Variants in WAC observed in about 807,000 individuals in gnomAD.
The protein encoded by WAC is WW domain containing adaptor with coiled-coil.
Under a neutral mutation model 79.6 loss-of-function variants are expected in WAC, and 11 were observed. The observed-to-expected ratio is 0.14, with a 90% CI of 0.09 to 0.23. The LOEUF (loss-of-function observed/expected upper bound fraction) is 0.23. WAC is among the 10% of genes least tolerant of loss of function. The pLI, the probability that WAC is intolerant of heterozygous loss-of-function variation, is 1.00. For synonymous variants in WAC, 304 were observed against 276.9 expected (o/e 1.10, Z -0.97); for missense variants, 728 against 773.5 (o/e 0.94, Z 0.70).
intron 3 of WAC, among the ~76,000 whole-genome samples, chr10:28,560,265 A>AGGG (rs1402455309): frequency 6.6e-6 from 1 of 152,146 alleles, no homozygotes; most frequent in East Asian, 1.9e-4. Flanking sequence ...GAGGCACCTG[A>AGGG]GGGGGCAATC....
chr10:28,602,137 G>A (rs1209307886), intron 7 of WAC, among the ~76,000 whole-genome samples: 1 of 152,146 alleles, frequency 6.6e-6, no homozygotes, highest in Non-Finnish European at 1.5e-5. Context: ...TTTCACTCTT[G>A]AGACTAATGA....
chr10:28,615,250 AT>A (rs1234087737), intron 11 of WAC: 1 of 152,092 alleles, frequency 6.6e-6, no homozygotes, highest in Non-Finnish European at 1.5e-5. Context: ...CATTTGATTG[AT>A]TTTCCTGTTT....
At chr10:28,587,354 AT>A (rs1362314782) in intron 4 of WAC, among the ~76,000 whole-genome samples, 7 of 152,378 alleles carry the variant, frequency 4.6e-5, no homozygotes, top group African/African-American at 1.7e-4. Flanking sequence ...GTTATGATAC[AT>A]CCAGTGTTTT....
chr10:28,591,980 A>G (rs1453582329), intron 6 of WAC: 1 of 152,186 alleles, frequency 6.6e-6, no homozygotes, highest in African/African-American at 2.4e-5. Flanking sequence ...CTCAAACCAA[A>G]AAGTTGGGGG....
At position 28,533,525 on chromosome 10, in the gene WAC, G is replaced by C. The variant is rs940289467; in HGVS notation, c.-55G>C. ...GCCGCCGCCGCCTGCGCGCCCGCCC[G>C]CCTTTCGCGGCCGCTCTCCCCCCTC... is the stretch of plus-strand genomic sequence containing the variant. On this transcript the variant is annotated 5_prime_UTR_variant, in exon 1 of 14. Coordinates refer to ENST00000354911, the MANE Select transcript of WAC (RefSeq NM_016628.5). The C allele has an allele frequency of 2.5e-6, 3 of 1,181,518 alleles. No homozygotes were observed. The highest frequency in any genetic ancestry group is 3.2e-6 in the Non-Finnish European group (3 of 928,380). 73.2% of individuals were successfully genotyped at this position (1,181,518 alleles called of 1,614,324 possible).
chr10:28,546,645 T>C (rs2080147957), intron 3 of WAC, among the ~76,000 whole-genome samples: 1 of 152,338 alleles, frequency 6.6e-6, no homozygotes, highest in African/African-American at 2.4e-5. Context: ...TGTGTAATTA[T>C]GAGAGTTCCT....
At position 28,535,575 on chromosome 10, in the gene WAC, C is replaced by T. The variant is rs1404725120; in HGVS notation, c.92C>T (p.Ser31Leu). Residue 31 changes from serine to leucine, a missense_variant, in exon 3 of 14, where the codon TCA becomes TTA. Transcript: ENST00000354911. ...GATGTTTTACAGGCACTTAAGTATT[C>T]ATCGAAGAGTCACCCCAGTAGCGGT... ...DSQPYQALKY[S>L]SKSHPSSGDH... The T allele has an allele frequency of 1.2e-6, 2 of 1,608,110 alleles. No homozygotes were observed. Among genetic ancestry groups the T allele is most frequent in the Non-Finnish European group, 1.7e-6 (2 of 1,176,978 alleles).
chr10:28,602,971 A>G (rs1840711359), intron 7 of WAC, among the ~76,000 whole-genome samples: 1 of 152,244 alleles, frequency 6.6e-6, no homozygotes, highest in Non-Finnish European at 1.5e-5. Context: ...TTGGTCAGAT[A>G]TACAAGTCAC....
intron 8 of WAC, among the ~76,000 whole-genome samples, chr10:28,609,592 T>G (rs1375698983): frequency 6.6e-6 from 1 of 152,182 alleles, no homozygotes; most frequent in Non-Finnish European, 1.5e-5. Flanking sequence ...GTGGGGCTTT[T>G]AGATAGTTTG....
chr10:28,562,570 AGT>A (rs1198862892), intron 3 of WAC, among the ~76,000 whole-genome samples: 1 of 152,312 alleles, frequency 6.6e-6, no homozygotes, highest in East Asian at 1.9e-4. Flanking sequence ...TGATTTAGTA[AGT>A]GTTATTAATG....
rs964078726 is a variant in WAC, at chr10:28,536,011, G to A, written c.274+254G>A. On this transcript the variant is annotated intron_variant, in intron 3 of 13. Transcript: ENST00000354911. ...TAATCTCAGCACTTGGGAGGCCGAGGCGGGCAGATCACCTGAGGTCAGGAG... is the reference window on the plus strand; with the variant it reads ...TAATCTCAGCACTTGGGAGGCCGAGACGGGCAGATCACCTGAGGTCAGGAG... The A allele has an allele frequency of 1.3e-5, 3 of 236,600 alleles. No homozygotes were observed. In the East Asian group the frequency reaches 2.7e-4, roughly 21 times the overall value. The allele number at this position is 236,600 out of a possible 1,614,324, so 14.7% of individuals were successfully genotyped here.
intron 3 of WAC, among the ~76,000 whole-genome samples, chr10:28,569,333 C>T (rs549614923): frequency 2.6e-5 from 4 of 152,298 alleles, no homozygotes; most frequent in African/African-American, 9.6e-5. Flanking sequence ...ATTAAGGAAA[C>T]ATTCATCTAT....
At chr10:28,593,192 A>G (rs1463892856) in intron 6 of WAC, among the ~76,000 whole-genome samples, 1 of 152,086 alleles carries the variant, frequency 6.6e-6, no homozygotes, top group Non-Finnish European at 1.5e-5. Flanking sequence ...TTGCTTTTTT[A>G]AAAAATTGGT....
chr10:28,584,330 G>A (rs1222970675), intron 4 of WAC, among the ~76,000 whole-genome samples: 1 of 152,190 alleles, frequency 6.6e-6, no homozygotes, highest in African/African-American at 2.4e-5. Context: ...AGCTTGCAAC[G>A]ATGTAGAAGT....
At chr10:28,601,930 G>C (rs1475885156) in intron 7 of WAC, among the ~76,000 whole-genome samples, 2 of 152,110 alleles carry the variant, frequency 1.3e-5, no homozygotes, top group African/African-American at 4.8e-5. Flanking sequence ...GTTTCTGTTT[G>C]GGAAGATGAA....
intron 3 of WAC, among the ~76,000 whole-genome samples, chr10:28,542,280 C>T (rs549831768): frequency 1.3e-5 from 2 of 152,276 alleles, no homozygotes; most frequent in South Asian, 2.1e-4. Flanking sequence ...CTTGCCCCTG[C>T]GTGTTCCTTC....
In WAC at chr10:28,533,545, C is replaced by G. The variant is rs753196955; in HGVS notation, c.-35C>G. 1 of 1,376,724 alleles carries G rather than the reference C, an allele frequency of 7.3e-7. No homozygotes were observed. Among genetic ancestry groups the G allele is most frequent in the East Asian group, 3.3e-5 (1 of 29,906 alleles). The allele number at this position is 1,376,724 out of a possible 1,614,324, so 85.3% of individuals were successfully genotyped here. ...CGCCCGCCTTTCGCGGCCGCTCTCC[C>G]CCCTCCCCGACACACACTCACAGGC... On this transcript the variant is annotated 5_prime_UTR_variant, in exon 1 of 14. Coordinates refer to ENST00000354911, the MANE Select transcript of WAC (RefSeq NM_016628.5).
chr10:28,537,040 T>C (rs1836717822), intron 3 of WAC, among the ~76,000 whole-genome samples: 1 of 152,246 alleles, frequency 6.6e-6, no homozygotes, highest in Non-Finnish European at 1.5e-5. Context: ...GATCATATAC[T>C]GAGAAACATT....
At chr10:28,579,212 C>T (rs545392139) in intron 3 of WAC, among the ~76,000 whole-genome samples, 2 of 150,896 alleles carry the variant, frequency 1.3e-5, no homozygotes, top group African/African-American at 4.9e-5. Flanking sequence ...CGAGCTTTTC[C>T]TTGGTAATAT....
Sources: gnomAD v4.1 joint callset for allele counts (sites outside exome capture counted in the v4.1 genomes callset) on GRCh38, gnomAD v4.1.1 for gene constraint, MANE v1.5 for transcripts, NCBI Gene and HGNC (gene_info 2026-07-23, HGNC 2026-07-21) for gene names.